The following TTC6 variants were observed in gnomAD, a reference collection of about 807,000 sequenced individuals.
The protein encoded by TTC6 is tetratricopeptide repeat domain 6.
Under a neutral mutation model 210.4 loss-of-function variants are expected in TTC6, and 172 were observed. That is an observed-to-expected ratio of 0.82 (90% confidence interval 0.72 to 0.93). The LOEUF (loss-of-function observed/expected upper bound fraction) is 0.93, where lower values mean the gene tolerates loss of function less well. TTC6 is among the 40% of genes least tolerant of loss of function. The probability of loss-of-function intolerance (pLI) is 0.00; values close to 1 mark genes in which losing one functional copy is unlikely to be tolerated. For synonymous variants in TTC6, 804 were observed against 819.6 expected (o/e 0.98, Z 0.32); for missense variants, 2,414 against 2,318.1 (o/e 1.04, Z -0.85).
At chr14:37,821,081 T>C (rs1451197081) in intron 26 of TTC6, among the ~76,000 whole-genome samples, 1 of 151,704 alleles carries the variant, frequency 6.6e-6, no homozygotes, top group Non-Finnish European at 1.5e-5. Flanking sequence ...CTTTCTTTTT[T>C]TTTTGAGATG....
At position 37,602,567 on chromosome 14, in the gene TTC6, C is replaced by A. The variant is rs947230120; in HGVS notation, c.-234-4096C>A. 5.3e-5 allele frequency among the ~76,000 whole-genome samples: 8 copies of A among 152,302 alleles called. No homozygotes were observed. The South Asian group carries it at 1.4e-3, about 28-fold the overall frequency. ...TCGAGAAGGCACAAGGCTGTGCGAT[C>A]CTCCGCCGCATCTGGTGTCCTCGAT... On this transcript the variant is annotated intron_variant, in intron 1 of 2. Transcript: ENST00000556845.
At chr14:37,807,614 C>T (rs1566966775) in intron 23 of TTC6, among the ~76,000 whole-genome samples, 154 bp downstream of exon 25, 1 of 152,002 alleles carries the variant, frequency 6.6e-6, no homozygotes, top group African/African-American at 2.4e-5. Context: ...TTTCCCAATT[C>T]ATATTTTTTT....
intron 2 of TTC6, among the ~76,000 whole-genome samples, chr14:37,613,156 G>T (rs2095637306): frequency 6.6e-6 from 1 of 152,012 alleles, no homozygotes; most frequent in Non-Finnish European, 1.5e-5. Flanking sequence ...TTCACAGTTT[G>T]CCTAGAGCTA....
chr14:37,721,501 A>G (rs2095861711), intron 6 of TTC6, among the ~76,000 whole-genome samples: 1 of 152,080 alleles, frequency 6.6e-6, no homozygotes, highest in African/African-American at 2.4e-5. Flanking sequence ...AGTGTCACAA[A>G]TACACTCGGG....
chr14:37,605,187 G>A (rs2095622914), intron 1 of TTC6, among the ~76,000 whole-genome samples: 3 of 152,200 alleles, frequency 2.0e-5, no homozygotes, highest in Non-Finnish European at 2.9e-5. Flanking sequence ...GTCTGCTCAA[G>A]TGAAGACCAG....
chr14:37,683,415 T>C (rs2095788121), intron 3 of TTC6, among the ~76,000 whole-genome samples: 1 of 152,172 alleles, frequency 6.6e-6, no homozygotes, highest in Non-Finnish European at 1.5e-5. Context: ...TTACATAATT[T>C]TTATCATATT....
chr14:37,642,316 G>A (rs557593126), intron 1 of TTC6, among the ~76,000 whole-genome samples: 41 of 152,294 alleles, frequency 2.7e-4, no homozygotes, highest in Non-Finnish European at 5.0e-4. Context: ...AGCACCTAAG[G>A]TAGCACATTT....
intron 20 of TTC6, among the ~76,000 whole-genome samples, chr14:37,799,531 C>T (rs2096101057): frequency 6.6e-6 from 1 of 152,086 alleles, no homozygotes; most frequent in South Asian, 2.1e-4. Flanking sequence ...TGTCTCACTT[C>T]TAACCAACAG....
chr14:37,642,185 C>A (rs555113981), intron 1 of TTC6, among the ~76,000 whole-genome samples: 1 of 152,174 alleles, frequency 6.6e-6, no homozygotes, highest in South Asian at 2.1e-4. Flanking sequence ...CCATAGCCTC[C>A]GCTGGTAGCT....
chr14:37,751,105 G>A (rs371733633), exon 13 of TTC6: 2 of 1,527,124 alleles, frequency 1.3e-6, no homozygotes, highest in Non-Finnish European at 8.8e-7. Flanking sequence ...ACATAACTTT[G>A]GCAATTCTAA....
intron 14 of TTC6, among the ~76,000 whole-genome samples, chr14:37,775,983 C>T (rs2096036180): frequency 1.3e-5 from 2 of 151,886 alleles, no homozygotes; most frequent in Non-Finnish European, 2.9e-5. Flanking sequence ...GGTTTTTCTC[C>T]ATACCTTTAC....
intron 24 of TTC6, among the ~76,000 whole-genome samples, chr14:37,811,540 A>G (rs2096129597): frequency 6.6e-6 from 1 of 152,176 alleles, no homozygotes; most frequent in Admixed American, 6.5e-5. Context: ...GCTCTTTTGG[A>G]CAGAATGTTC....
chr14:37,823,991 G>A, intron 27 of TTC6, 34 bp downstream of exon 29: 2 of 1,584,738 alleles, frequency 1.3e-6, no homozygotes, highest in East Asian at 2.2e-5. Flanking sequence ...TTAAAAGCAT[G>A]TTTTGGGGAG....
intron 14 of TTC6, 22 bp downstream of exon 16, chr14:37,753,257 G>T: frequency 6.7e-7 from 1 of 1,493,882 alleles, no homozygotes; most frequent in Non-Finnish European, 8.9e-7. Context: ...TTTAGATGTC[G>T]TTTTAAAATT....
intron 2 of TTC6, among the ~76,000 whole-genome samples, chr14:37,611,550 T>C (rs2095634543): frequency 6.6e-6 from 1 of 152,066 alleles, no homozygotes. Flanking sequence ...TGGGCTGCCT[T>C]TCGTGGGAGA....
chr14:37,744,306 A>G (rs1433701191), intron 10 of TTC6, among the ~76,000 whole-genome samples: 1 of 152,202 alleles, frequency 6.6e-6, no homozygotes, highest in Non-Finnish European at 1.5e-5. Flanking sequence ...AGTGGGAGAG[A>G]GTGGAGAGGT....
At chr14:37,766,760 G>C (rs2096000780) in intron 14 of TTC6, among the ~76,000 whole-genome samples, 1 of 152,006 alleles carries the variant, frequency 6.6e-6, no homozygotes, top group African/African-American at 2.4e-5. Flanking sequence ...TGGTAATTCT[G>C]CTTTGAGTTC....
At chr14:37,738,854 A>G (rs1272779147) in exon 10 of TTC6, 3 of 1,534,752 alleles carry the variant, frequency 2.0e-6, no homozygotes, top group African/African-American at 1.4e-5. Flanking sequence ...GCAAAGCAGT[A>G]TAAAAGAGGT....
intron 5 of TTC6, among the ~76,000 whole-genome samples, chr14:37,709,640 A>G (rs1236776645): frequency 2.0e-5 from 3 of 151,508 alleles, no homozygotes; most frequent in Non-Finnish European, 4.4e-5. Context: ...GCATGTAGCA[A>G]TGAAGTTACG....
Sources: gnomAD v4.1 joint callset for allele counts (sites outside exome capture counted in the v4.1 genomes callset) on GRCh38, gnomAD v4.1.1 for gene constraint, MANE v1.5 for transcripts, NCBI Gene and HGNC (gene_info 2026-07-23, HGNC 2026-07-21) for gene names.